The following TBC1D1 variants were observed in gnomAD, a reference collection of about 807,000 sequenced individuals.
The protein encoded by TBC1D1 is TBC1 domain family member 1, also known as TBC1 (tre-2/USP6, BUB2, cdc16) domain family, member 1.
A neutral mutation model predicts 125.6 loss-of-function variants in TBC1D1; 89 were observed. That is an observed-to-expected ratio of 0.71 (90% CI 0.60 to 0.85). The LOEUF is 0.85. Ranked by LOEUF, TBC1D1 falls within the 40% of genes least tolerant of loss-of-function variation. The pLI, the probability that TBC1D1 is intolerant of heterozygous loss-of-function variation, is 0.00. For synonymous variants in TBC1D1, 565 were observed against 564.1 expected (o/e 1.00, Z -0.02); for missense variants, 1,377 against 1,469.2 (o/e 0.94, Z 1.03).
At chr4:38,100,613 C>T (rs968138174) in intron 14 of TBC1D1, among the ~76,000 whole-genome samples, 5 of 152,168 alleles carry the variant, frequency 3.3e-5, no homozygotes, top group Non-Finnish European at 4.4e-5. Flanking sequence ...ATTCAACTCA[C>T]TCTACAGGGT....
intron 12 of TBC1D1, among the ~76,000 whole-genome samples, chr4:38,082,870 C>T (rs1033139992): frequency 1.3e-5 from 2 of 152,140 alleles, no homozygotes; most frequent in Admixed American, 1.3e-4. Context: ...TTTTCTTCCT[C>T]ATCTCTAAGT....
intron 1 of TBC1D1, among the ~76,000 whole-genome samples, chr4:37,900,540 T>C (rs1715731888): frequency 1.3e-5 from 2 of 152,002 alleles, no homozygotes; most frequent in Admixed American, 1.3e-4. Context: ...ACGAGGGAGA[T>C]AGCAGTGAAT....
intron 5 of TBC1D1, 92 bp from the exon 6 acceptor site, chr4:38,021,493 TA>T (rs2152436312): frequency 8.1e-7 from 1 of 1,232,412 alleles, no homozygotes; most frequent in Admixed American, 3.4e-5. Context: ...TCTTAAAGCT[TA>T]AAAAATCTTT....
intron 14 of TBC1D1, among the ~76,000 whole-genome samples, chr4:38,098,068 A>T (rs571500459): frequency 6.6e-6 from 1 of 152,278 alleles, no homozygotes; most frequent in East Asian, 1.9e-4. Flanking sequence ...AGTGGTGAAG[A>T]CCGAAGTTCT....
Position 38,045,813 on chromosome 4 carries a change from G to T in TBC1D1, c.1543-4G>T. On this transcript the variant is annotated splice_polypyrimidine_tract_variant and splice_region_variant and intron_variant, in intron 9 of 19. Transcript: ENST00000261439. Reference sequence around the variant, plus strand: ...CATAACTCGACTGCCTTTTCTTTATGTAGGGTAATAAAGCCAGAGGCCTGC... The same window carrying T: ...CATAACTCGACTGCCTTTTCTTTATTTAGGGTAATAAAGCCAGAGGCCTGC... 6.2e-7 allele frequency: 1 copy of T among 1,613,472 alleles called. No homozygotes were observed. Among genetic ancestry groups the T allele is most frequent in the Non-Finnish European group, 8.5e-7 (1 of 1,179,450 alleles).
At chr4:38,048,681 AT>A (rs1749926432) in intron 10 of TBC1D1, among the ~76,000 whole-genome samples, 1 of 150,682 alleles carries the variant, frequency 6.6e-6, no homozygotes, top group Non-Finnish European at 1.5e-5. Flanking sequence ...CTGTTGATTT[AT>A]TTTTTCTCTT....
chr4:38,024,963 T>C (rs1744787350), intron 6 of TBC1D1, among the ~76,000 whole-genome samples: 1 of 152,246 alleles, frequency 6.6e-6, no homozygotes, highest in Non-Finnish European at 1.5e-5. Flanking sequence ...TTAGCTGCAC[T>C]CTGCTCTAAT....
intron 2 of TBC1D1, among the ~76,000 whole-genome samples, chr4:38,011,760 T>C (rs1741553411): frequency 6.6e-6 from 1 of 152,204 alleles, no homozygotes; most frequent in Non-Finnish European, 1.5e-5. Flanking sequence ...GTGTGTCTTT[T>C]TAAGATTCTG....
At chr4:37,943,508 C>T (rs1038701919) in intron 2 of TBC1D1, among the ~76,000 whole-genome samples, 9 of 152,190 alleles carry the variant, frequency 5.9e-5, no homozygotes, top group Non-Finnish European at 1.0e-4. Context: ...CACATAGTCC[C>T]GTATTTCTTG....
intron 17 of TBC1D1, among the ~76,000 whole-genome samples, chr4:38,120,967 G>T (rs987430795): frequency 1.3e-5 from 2 of 152,064 alleles, no homozygotes; most frequent in African/African-American, 4.8e-5. Flanking sequence ...AAAAACTAAG[G>T]GTTTGGCAAA....
At chr4:38,132,146 C>T (rs1765685145) in intron 18 of TBC1D1, among the ~76,000 whole-genome samples, 1 of 151,252 alleles carries the variant, frequency 6.6e-6, no homozygotes, top group Admixed American at 6.6e-5. Context: ...CTTTTAAAGC[C>T]TGACTTCACT....
intron 18 of TBC1D1, among the ~76,000 whole-genome samples, chr4:38,131,340 A>C (rs1202340646): frequency 6.6e-6 from 1 of 152,262 alleles, no homozygotes; most frequent in Non-Finnish European, 1.5e-5. Flanking sequence ...CACCATATTT[A>C]TAATTATACA....
intron 19 of TBC1D1, among the ~76,000 whole-genome samples, chr4:38,136,621 A>G (rs1025119109): frequency 6.6e-6 from 1 of 152,190 alleles, no homozygotes; most frequent in African/African-American, 2.4e-5. Flanking sequence ...GTGGGCCTTC[A>G]GGAGGAAACT....
intron 12 of TBC1D1, among the ~76,000 whole-genome samples, chr4:38,077,850 C>A (rs1755866113): frequency 6.6e-6 from 1 of 152,020 alleles, no homozygotes; most frequent in Admixed American, 6.5e-5. Flanking sequence ...ACATGTTATG[C>A]GTCACCCTGG....
rs750319549 is a variant in TBC1D1, at chr4:37,902,124, A to G, written c.29A>G (p.Lys10Arg). The change falls in exon 2 of 20, where the codon AAA becomes AGA. Residue 10 changes from lysine to arginine, a missense_variant. This residue lies in a region of TBC1D1 where 822 missense variants were observed against 824.6 expected (regional missense o/e 1.00). Coordinates refer to ENST00000261439, the MANE Select transcript of TBC1D1 (RefSeq NM_015173.4). ...GAACCAATAACATTCACAGCAAGGA[A>G]ACATCTGCTTTCTAACGAGGTCTCG... is the stretch of plus-strand genomic sequence containing the variant. 1.3e-5 allele frequency: 21 copies of G among 1,608,784 alleles called. No individual in the cohort carries two copies. The highest frequency in any genetic ancestry group is 1.8e-5 in the Non-Finnish European group (21 of 1,177,832).
chr4:38,015,111 C>A, intron 3 of TBC1D1, 138 bp downstream of exon 3: 2 of 762,832 alleles, frequency 2.6e-6, no homozygotes, highest in Non-Finnish European at 4.1e-6. Context: ...CTGAACAATT[C>A]TATTCTTAGG....
At chr4:38,113,409 A>G (rs139673418) in intron 15 of TBC1D1, among the ~76,000 whole-genome samples, 26 of 152,372 alleles carry the variant, frequency 1.7e-4, no homozygotes, top group African/African-American at 4.6e-4. Context: ...AGCGGTGTCA[A>G]TTAGCATGGG....
intron 13 of TBC1D1, among the ~76,000 whole-genome samples, chr4:38,091,309 C>G (rs1758384352): frequency 6.6e-6 from 1 of 152,214 alleles, no homozygotes; most frequent in African/African-American, 2.4e-5. Context: ...GACGGGTCCT[C>G]TCATCAGGGT....
intron 1 of TBC1D1, among the ~76,000 whole-genome samples, chr4:37,895,777 G>T (rs1238763723): frequency 6.6e-6 from 1 of 152,092 alleles, no homozygotes; most frequent in East Asian, 1.9e-4. Flanking sequence ...AATTAGAAAG[G>T]CACACCCCAG....
Sources: gnomAD v4.1 joint callset for allele counts (sites outside exome capture counted in the v4.1 genomes callset) on GRCh38, gnomAD v4.1.1 for gene constraint, gnomAD v4.1.1 regional missense constraint, MANE v1.5 for transcripts, NCBI Gene and HGNC (gene_info 2026-07-23, HGNC 2026-07-21) for gene names.